DOCK2: variants seen among roughly 807,000 people sequenced by gnomAD.
DOCK2 encodes dedicator of cytokinesis 2, also known as dedicator of cytokinesis protein 2.
A neutral mutation model predicts 248.9 loss-of-function variants in DOCK2; 87 were observed. That is an observed-to-expected ratio of 0.35 (90% CI 0.29 to 0.42). The LOEUF is 0.42. Ranked by LOEUF, DOCK2 falls within the 10% of genes least tolerant of loss-of-function variation. The probability of loss-of-function intolerance (pLI) is 1.00; values close to 1 mark genes in which losing one functional copy is unlikely to be tolerated. For missense variants in DOCK2, 1,747 were observed against 2,300.2 expected, an observed-to-expected ratio of 0.76 and a Z score of 4.92; for synonymous variants, 805 against 821.6, an observed-to-expected ratio of 0.98 and a Z score of 0.35.
intron 41 of DOCK2, among the ~76,000 whole-genome samples, chr5:170,051,615 A>T (rs1756918546): frequency 6.6e-6 from 1 of 152,036 alleles, no homozygotes; most frequent in South Asian, 2.1e-4. Context: ...AATCTGTCTC[A>T]ATTTGCCATT....
intron 27 of DOCK2, among the ~76,000 whole-genome samples, chr5:169,845,274 G>A (rs1770237626): frequency 6.6e-6 from 1 of 151,692 alleles, no homozygotes; most frequent in Non-Finnish European, 1.5e-5. Flanking sequence ...CACTTGGGCT[G>A]GACAAGCTAC....
intron 26 of DOCK2, among the ~76,000 whole-genome samples, chr5:169,840,286 T>C (rs1769868360): frequency 6.6e-6 from 1 of 152,186 alleles, no homozygotes; most frequent in African/African-American, 2.4e-5. Flanking sequence ...ACTATCGTGA[T>C]GACAGCACCA....
At chr5:169,928,169 T>C (rs1316797742) in intron 27 of DOCK2, among the ~76,000 whole-genome samples, 3 of 152,174 alleles carry the variant, frequency 2.0e-5, no homozygotes, top group Non-Finnish European at 2.9e-5. Flanking sequence ...AGCCACCTCA[T>C]TGACTTGCCC....
intron 27 of DOCK2, among the ~76,000 whole-genome samples, chr5:169,858,547 G>A (rs947408110): frequency 1.3e-5 from 2 of 152,148 alleles, no homozygotes; most frequent in African/African-American, 4.8e-5. Flanking sequence ...TACAGGAGAG[G>A]CAGGGCAGGA....
chr5:170,057,895 C>T (rs1182493806), intron 44 of DOCK2, among the ~76,000 whole-genome samples: 1 of 151,948 alleles, frequency 6.6e-6, no homozygotes, highest in Non-Finnish European at 1.5e-5. Flanking sequence ...CTTTCCATGG[C>T]CTCCAGTAAT....
intron 26 of DOCK2, among the ~76,000 whole-genome samples, chr5:169,824,314 A>G (rs1768691069): frequency 6.6e-6 from 1 of 152,252 alleles, no homozygotes; most frequent in Non-Finnish European, 1.5e-5. Context: ...TGCATTTCCA[A>G]GATATTCCTA....
chr5:170,059,235 T>C (rs1055135239), intron 44 of DOCK2, among the ~76,000 whole-genome samples: 45 of 143,712 alleles, frequency 3.1e-4, no homozygotes, highest in African/African-American at 1.1e-3. Flanking sequence ...GTGCCCTTGC[T>C]TCATGGCACA....
intron 25 of DOCK2, among the ~76,000 whole-genome samples, chr5:169,766,425 G>T (rs975942986): frequency 2.0e-4 from 31 of 152,196 alleles, no homozygotes; most frequent in African/African-American, 7.5e-4. Flanking sequence ...TGGCTGCGTA[G>T]TATTTCATCA....
intron 43 of DOCK2, 63 bp from the exon 44 acceptor site, chr5:170,057,517 A>G: frequency 6.8e-7 from 1 of 1,478,292 alleles, no homozygotes; most frequent in South Asian, 1.1e-5. Context: ...CTTCTCCGAT[A>G]CCCAGGTTTC....
chr5:169,899,966 A>G (rs1428914001), intron 27 of DOCK2, among the ~76,000 whole-genome samples: 1 of 152,226 alleles, frequency 6.6e-6, no homozygotes, highest in East Asian at 1.9e-4. Context: ...TAAGATCATG[A>G]GAGTCTCACA....
At chr5:169,700,919 A>G (rs1039920422) in intron 13 of DOCK2, among the ~76,000 whole-genome samples, 1 of 133,142 alleles carries the variant, frequency 7.5e-6, no homozygotes, top group Non-Finnish European at 1.6e-5. Flanking sequence ...GAAGGAACGA[A>G]AGAAAAGACA....
Position 169,702,371 on chromosome 5 carries a change from C to G in DOCK2, c.1327C>G (p.Gln443Glu). The change falls in exon 14 of 52, where the codon CAG becomes GAG. Residue 443 changes from glutamine to glutamate, a missense_variant. By Grantham distance (29) the Gln-to-Glu change is conservative. This residue lies in a region of DOCK2 where 858 missense variants were observed against 1,183.5 expected (regional missense o/e 0.72). Coordinates refer to ENST00000520908, the MANE Select transcript of DOCK2 (RefSeq NM_004946.3). The part of the protein sequence containing the change: ...GDFDKYNKTT[Q>E]RNVEVIMCVC... ...CTTTGACAAGTACAACAAGACCACA[C>G]AGAGGAATGTGGAAGTCATCATGTG... The G allele has an allele frequency of 6.2e-7, 1 of 1,613,962 alleles. No individual in the cohort carries two copies. Among genetic ancestry groups the G allele is most frequent in the Non-Finnish European group, 8.5e-7 (1 of 1,179,918 alleles).
rs1457918112 is a variant in DOCK2 at position 169,883,906 on chromosome 5, C to T, written c.2799+43054C>T. ...CATATTTTGCTGGGCCATTGAGCCT[C>T]AGTGGGAAGGATCAGGACCATACAC... On this transcript the variant is annotated intron_variant, in intron 27 of 51. Transcript: ENST00000520908. 4.0e-6 allele frequency: 6 copies of T among 1,494,548 alleles called. No homozygotes were observed. The South Asian group carries it at 8.1e-5, about 20-fold the overall frequency. The allele number at this position is 1,494,548 out of a possible 1,614,324, so 92.6% of individuals were successfully genotyped here. A position where few individuals can be genotyped will look rare whatever the true frequency, so the allele number is the denominator to read the frequency against.
At chr5:170,033,471 G>A (rs543686125) in intron 34 of DOCK2, among the ~76,000 whole-genome samples, 165 of 152,226 alleles carry the variant, frequency 1.1e-3, no homozygotes, top group African/African-American at 3.7e-3. Context: ...CCATCACTAC[G>A]AGTTTGGTGT....
At chr5:170,021,635 T>C (rs1755731449) in intron 33 of DOCK2, among the ~76,000 whole-genome samples, 2 of 152,166 alleles carry the variant, frequency 1.3e-5, no homozygotes, top group African/African-American at 4.8e-5. Flanking sequence ...TGTGCATTCA[T>C]TCTGAGCATG....
chr5:169,734,247 T>C (rs1218110375), intron 22 of DOCK2, among the ~76,000 whole-genome samples: 2 of 152,134 alleles, frequency 1.3e-5, no homozygotes, highest in Non-Finnish European at 2.9e-5. Context: ...TCTAATTTTT[T>C]GTTTTTATAA....
intron 25 of DOCK2, among the ~76,000 whole-genome samples, chr5:169,777,912 G>A (rs1459442664): frequency 1.3e-5 from 2 of 152,194 alleles, no homozygotes; most frequent in Admixed American, 1.3e-4. Flanking sequence ...GCAGTTTCCT[G>A]TGCATTCCAA....
At chr5:169,738,558 T>C (rs1010130913) in intron 22 of DOCK2, among the ~76,000 whole-genome samples, 2 of 152,222 alleles carry the variant, frequency 1.3e-5, no homozygotes, top group African/African-American at 4.8e-5. Context: ...GTTTTTTTAT[T>C]GTCCAAAAAC....
chr5:169,940,759 C>A (rs1020086075), intron 27 of DOCK2, among the ~76,000 whole-genome samples: 41 of 152,166 alleles, frequency 2.7e-4, no homozygotes, highest in Non-Finnish European at 1.3e-4. Flanking sequence ...TGATGGGGAG[C>A]AGCTGTAAAT....
Sources: gnomAD v4.1 joint callset for allele counts (sites outside exome capture counted in the v4.1 genomes callset) on GRCh38, gnomAD v4.1.1 for gene constraint, gnomAD v4.1.1 regional missense constraint, MANE v1.5 for transcripts, NCBI Gene and HGNC (gene_info 2026-07-23, HGNC 2026-07-21) for gene names.